The following UBR3 variants were observed in gnomAD, a reference collection of about 807,000 sequenced individuals.
UBR3 encodes ubiquitin protein ligase E3 component n-recognin 3, also known as E3 ubiquitin-protein ligase UBR3.
Under a neutral mutation model 243.2 loss-of-function variants are expected in UBR3, and 85 were observed. The ratio of observed to expected loss-of-function variants is 0.35; its 90% CI spans 0.29 to 0.42. The LOEUF is 0.42. Ranked by LOEUF, UBR3 falls within the 10% of genes least tolerant of loss-of-function variation. The pLI, the probability that UBR3 is intolerant of heterozygous loss-of-function variation, is 1.00. For synonymous variants in UBR3, 748 were observed against 799.8 expected, an observed-to-expected ratio of 0.94 and a Z score of 1.09; for missense variants, 1,686 against 2,300.8, an observed-to-expected ratio of 0.73 and a Z score of 5.47.
At chr2:169,967,220 AGGAGAGTATGCCCCCCCCACCC>A (rs2087854138) in intron 24 of UBR3, among the ~76,000 whole-genome samples, 1 of 151,274 alleles carries the variant, frequency 6.6e-6, no homozygotes, top group African/African-American at 2.4e-5. Context: ...AAGCAAATTG[AGGAGAGTATGCCCCCCCCACCC>A]CCCTACAGGG....
rs79431648 is a variant in UBR3, at chr2:169,901,870, A to G, written c.1466-3244A>G. ...TCTTTGTAAAGTGGAATCTAAAACCATGTGTTGTATGACATAGGAATGTCT... is the reference window on the plus strand; with the variant it reads ...TCTTTGTAAAGTGGAATCTAAAACCGTGTGTTGTATGACATAGGAATGTCT... On this transcript the variant is annotated intron_variant, in intron 8 of 38. Coordinates refer to ENST00000272793, the MANE Select transcript of UBR3 (RefSeq NM_172070.4). 9.8e-3 allele frequency among the ~76,000 whole-genome samples: 1,487 copies of G among 152,328 alleles called. 8 individuals carry two copies. Among genetic ancestry groups the G allele is most frequent in the Non-Finnish European group, 0.015 (1,047 of 68,030 alleles).
At chr2:169,995,840 C>T (rs374977122) in intron 26 of UBR3, among the ~76,000 whole-genome samples, 3 of 151,962 alleles carry the variant, frequency 2.0e-5, no homozygotes, top group Non-Finnish European at 4.4e-5. Flanking sequence ...GCATTGTTAA[C>T]GTCTTTTTAA....
chr2:169,893,297 T>C (rs979122889), intron 6 of UBR3, among the ~76,000 whole-genome samples: 5 of 152,238 alleles, frequency 3.3e-5, no homozygotes, highest in African/African-American at 1.2e-4. Flanking sequence ...TAAAACATTG[T>C]TAATGTATAT....
chr2:169,955,548 C>T (rs1343913494), intron 23 of UBR3, among the ~76,000 whole-genome samples: 4 of 151,938 alleles, frequency 2.6e-5, no homozygotes, highest in African/African-American at 9.7e-5. Flanking sequence ...AATCCCAGCA[C>T]TTTGGGAGGC....
intron 1 of UBR3, among the ~76,000 whole-genome samples, chr2:169,857,618 G>A (rs1251830467): frequency 6.6e-6 from 1 of 151,482 alleles, no homozygotes; most frequent in Non-Finnish European, 1.5e-5. Context: ...GTAGAGGTGG[G>A]GTTTCACCAT....
At chr2:170,071,452 A>T (rs2091696497) in intron 35 of UBR3, among the ~76,000 whole-genome samples, 1 of 152,152 alleles carries the variant, frequency 6.6e-6, no homozygotes. Context: ...GGGTCCAAAG[A>T]GTAGGGGCCA....
In UBR3 at chr2:169,996,962, G is replaced by A. The variant is rs143581812; in HGVS notation, c.3918+2506G>A. ...GATCTGCCCGCCTTGGCCTCCTAAAGTGTTGGGATTACAGGCGTGAGCCAC... is the reference window on the plus strand; with the variant it reads ...GATCTGCCCGCCTTGGCCTCCTAAAATGTTGGGATTACAGGCGTGAGCCAC... On this transcript the variant is annotated intron_variant, in intron 26 of 38. Coordinates refer to ENST00000272793, the MANE Select transcript of UBR3 (RefSeq NM_172070.4). 9.5e-3 allele frequency among the ~76,000 whole-genome samples: 1,434 copies of A among 150,844 alleles called. 9 individuals are homozygous for A. Among genetic ancestry groups the A allele is most frequent in the Non-Finnish European group, 0.016 (1,052 of 67,780 alleles).
At chr2:170,080,713 T>C (rs2091891241) in intron 38 of UBR3, 29 bp downstream of exon 38, 1 of 1,597,050 alleles carries the variant, frequency 6.3e-7, no homozygotes, top group African/African-American at 1.3e-5. Context: ...TATCCAGGTG[T>C]TTTATTGAAA....
chr2:169,959,372 AAT>A (rs2087460414), intron 24 of UBR3, among the ~76,000 whole-genome samples: 2 of 151,888 alleles, frequency 1.3e-5, no homozygotes, highest in South Asian at 4.1e-4. Context: ...AAAATCTGAA[AAT>A]CTGAAATCTA....
At chr2:169,830,034 T>TA (rs993641845) in intron 1 of UBR3, among the ~76,000 whole-genome samples, 17 of 152,208 alleles carry the variant, frequency 1.1e-4, no homozygotes, top group African/African-American at 3.9e-4. Flanking sequence ...TTTTTCCTAT[T>TA]AAAAAATCAG....
chr2:169,996,690 TTTG>T (rs201922282), intron 26 of UBR3, among the ~76,000 whole-genome samples: 50,305 of 115,290 alleles, frequency 0.44, 11,289 homozygotes, highest in Non-Finnish European at 0.53. Flanking sequence ...GCTTTGGACT[TTTG>T]TTTTTTTTTT....
At chr2:170,063,360 G>C (rs1246540309) in intron 35 of UBR3, among the ~76,000 whole-genome samples, 2 of 152,108 alleles carry the variant, frequency 1.3e-5, no homozygotes, top group African/African-American at 2.4e-5. Context: ...GGGATAGTTG[G>C]ACCCTTTAGG....
intron 5 of UBR3, among the ~76,000 whole-genome samples, chr2:169,884,878 A>G (rs2084030094): frequency 6.6e-6 from 1 of 152,226 alleles, no homozygotes; most frequent in Non-Finnish European, 1.5e-5. Context: ...AAAATGCAAT[A>G]ATTATTATAG....
chr2:169,917,734 C>T (rs899896041), intron 11 of UBR3, among the ~76,000 whole-genome samples: 2 of 151,942 alleles, frequency 1.3e-5, no homozygotes, highest in African/African-American at 4.8e-5. Context: ...GGAGTTTTTG[C>T]TCTTGTTGCC....
chr2:169,947,409 A>G, intron 21 of UBR3, 133 bp from the exon 22 acceptor site: 1 of 651,988 alleles, frequency 1.5e-6, no homozygotes, highest in Non-Finnish European at 2.2e-6. Flanking sequence ...TTCACTTTAT[A>G]ATTTGTGGAT....
In UBR3 at chr2:170,073,595, A is replaced by G. The variant is rs1466980228; in HGVS notation, c.5187A>G (p.Ala1729=). 1.9e-6 allele frequency: 3 copies of G among 1,613,150 alleles called. No individual in the cohort carries two copies. Among genetic ancestry groups the G allele is most frequent in the Non-Finnish European group, 2.5e-6 (3 of 1,179,480 alleles). Residue 1729 remains alanine, a synonymous_variant, in exon 36 of 39, where the codon GCA becomes GCG. Coordinates refer to ENST00000272793, the MANE Select transcript of UBR3 (RefSeq NM_172070.4). ...FEIKSFTERH[A]EQGKALLIQE... Reference sequence around the variant, plus strand: ...TAAAATCATTTACTGAAAGACATGCAGAACAAGGAAAGGTATGTTAAAAGA... The same window carrying G: ...TAAAATCATTTACTGAAAGACATGCGGAACAAGGAAAGGTATGTTAAAAGA...
At chr2:169,902,527 T>C (rs1420204189) in intron 8 of UBR3, among the ~76,000 whole-genome samples, 1 of 125,504 alleles carries the variant, frequency 8.0e-6, no homozygotes, top group Non-Finnish European at 1.9e-5. Context: ...CACCATCTGC[T>C]CCACCATCAC....
At chr2:169,930,651 C>G (rs2086086836) in intron 18 of UBR3, among the ~76,000 whole-genome samples, 1 of 152,142 alleles carries the variant, frequency 6.6e-6, no homozygotes, top group Non-Finnish European at 1.5e-5. Context: ...TCCTAAAGTG[C>G]TGGGATTGCA....
At chr2:169,974,896 T>G (rs1192935452) in intron 24 of UBR3, among the ~76,000 whole-genome samples, 1 of 152,222 alleles carries the variant, frequency 6.6e-6, no homozygotes, top group African/African-American at 2.4e-5. Context: ...AATTTCTTTC[T>G]TAAGGCTGGG....
Sources: gnomAD v4.1 joint callset for allele counts (sites outside exome capture counted in the v4.1 genomes callset) on GRCh38, gnomAD v4.1.1 for gene constraint, MANE v1.5 for transcripts, NCBI Gene and HGNC (gene_info 2026-07-23, HGNC 2026-07-21) for gene names.